Variants in FNDC1 observed in about 807,000 individuals in gnomAD.
FNDC1 encodes fibronectin type III domain containing 1, also known as fibronectin type III domain-containing protein 1.
FNDC1 carries 96 observed loss-of-function variants against 168.0 expected under a neutral mutation model. That is an observed-to-expected ratio of 0.57 (90% CI 0.48 to 0.68). The LOEUF (loss-of-function observed/expected upper bound fraction) is 0.68. Among genes scored for constraint, FNDC1 ranks in the 30% least tolerant of loss-of-function variants. The probability of loss-of-function intolerance (pLI) is 0.00; values close to 1 mark genes in which losing one functional copy is unlikely to be tolerated. For missense variants in FNDC1, 2,587 were observed against 2,482.1 expected, an observed-to-expected ratio of 1.04 and a Z score of -0.90; for synonymous variants, 1,099 against 1,025.9, an observed-to-expected ratio of 1.07 and a Z score of -1.36.
In FNDC1 at chr6:159,225,736, A is replaced by G; in HGVS notation, c.1072+14A>G. 1 of 1,580,440 alleles carries G rather than the reference A, an allele frequency of 6.3e-7. No homozygotes were observed. Among genetic ancestry groups the G allele is most frequent in the East Asian group, 2.3e-5 (1 of 44,274 alleles). On this transcript the variant is annotated intron_variant, in intron 8 of 22. Transcript: ENST00000297267. Reference sequence around the variant, plus strand: ...CACCAGAATCTGGTCTGTATTTGAAATGGCCTTTGAATTTTCAATTTGGGA... The same window carrying G: ...CACCAGAATCTGGTCTGTATTTGAAGTGGCCTTTGAATTTTCAATTTGGGA...
chr6:159,176,333 G>A (rs1781761208), intron 1 of FNDC1, among the ~76,000 whole-genome samples: 1 of 152,234 alleles, frequency 6.6e-6, no homozygotes, highest in Non-Finnish European at 1.5e-5. Context: ...CACAAAGTCA[G>A]ATGAACATAG....
chr6:159,169,448 GGCAGGGGCGCGGCGGGCACCGC>G lies in FNDC1; in HGVS notation c.-144_-123del. 1 of 174,154 alleles carries G rather than the reference GGCAGGGGCGCGGCGGGCACCGC, an allele frequency of 5.7e-6. No homozygotes were observed. Among genetic ancestry groups the G allele is most frequent in the Non-Finnish European group, 1.2e-5 (1 of 85,006 alleles). The allele number at this position is 174,154 out of a possible 1,614,324, so 10.8% of individuals were successfully genotyped here. A position where few individuals can be genotyped will look rare whatever the true frequency, so the allele number is the denominator to read the frequency against. The stretch of plus-strand genomic sequence containing the variant: ...GTGCGGCCGGGAGCGATCGCCGCGG[GGCAGGGGCGCGGCGGGCACCGC>G]GCAGAGCGCGCAGAACAGACGGACG... On this transcript the variant is annotated 5_prime_UTR_variant, in exon 1 of 23. Coordinates refer to ENST00000297267, the MANE Select transcript of FNDC1 (RefSeq NM_032532.3). The surrounding 1 kb of genome is among the most constrained non-coding windows in gnomAD (Gnocchi z 6.8).
chr6:159,265,925 C>A (rs943897998), intron 20 of FNDC1, among the ~76,000 whole-genome samples, 159 bp from the exon 21 acceptor site: 1 of 137,412 alleles, frequency 7.3e-6, no homozygotes, highest in Non-Finnish European at 1.6e-5. Context: ...GAGACTCCAT[C>A]AAAAACAAAC....
chr6:159,269,494 C>G (rs1246400872), intron 22 of FNDC1, among the ~76,000 whole-genome samples: 31 of 130,164 alleles, frequency 2.4e-4, no homozygotes, highest in African/African-American at 9.4e-4. Flanking sequence ...ATCTATCTAT[C>G]TATCTATCCA....
intron 9 of FNDC1, among the ~76,000 whole-genome samples, chr6:159,229,313 A>G (rs1370770270): frequency 6.6e-6 from 1 of 152,238 alleles, no homozygotes; most frequent in African/African-American, 2.4e-5. Flanking sequence ...TTCCTACAAA[A>G]ATGAAATTAT....
intron 1 of FNDC1, among the ~76,000 whole-genome samples, chr6:159,190,641 A>T (rs1358442522): frequency 6.6e-6 from 1 of 152,226 alleles, no homozygotes; most frequent in African/African-American, 2.4e-5. Context: ...TAGAGCCCAC[A>T]TTCTCCAGTT....
intron 18 of FNDC1, among the ~76,000 whole-genome samples, chr6:159,257,196 A>C (rs923677223): frequency 6.6e-6 from 1 of 152,204 alleles, no homozygotes; most frequent in Non-Finnish European, 1.5e-5. Flanking sequence ...GCACAAAGAC[A>C]GTGACTGTTC....
At chr6:159,247,191 A>G (rs1777156153) in intron 15 of FNDC1, among the ~76,000 whole-genome samples, 1 of 152,156 alleles carries the variant, frequency 6.6e-6, no homozygotes, top group Non-Finnish European at 1.5e-5. Flanking sequence ...TAACACGTAG[A>G]TGCAGCTTCC....
intron 3 of FNDC1, 62 bp downstream of exon 3, chr6:159,200,144 C>T: frequency 1.7e-6 from 2 of 1,190,046 alleles, no homozygotes; most frequent in Non-Finnish European, 1.2e-6. Context: ...AGACATCCCT[C>T]CTTGCTTCTT....
At chr6:159,269,610 T>G (rs1361990492) in intron 22 of FNDC1, among the ~76,000 whole-genome samples, 1 of 137,448 alleles carries the variant, frequency 7.3e-6, no homozygotes. Context: ...TATCTATCTA[T>G]CTATCTATCT....
Position 159,200,595 on chromosome 6 carries a change from C to T in FNDC1, c.460+14C>T. On this transcript the variant is annotated intron_variant, in intron 4 of 22. Transcript: ENST00000297267. ...AAACCGTCACAGGTACTACTTCCTC[C>T]TTCATGTCAGATTCATGTTTTCACT... 6.4e-7 allele frequency: 1 copy of T among 1,571,134 alleles called. No individual in the cohort carries two copies. Among genetic ancestry groups the T allele is most frequent in the East Asian group, 2.3e-5 (1 of 43,740 alleles).
chr6:159,220,554 A>T (rs544194174), intron 5 of FNDC1, among the ~76,000 whole-genome samples: 1 of 152,352 alleles, frequency 6.6e-6, no homozygotes, highest in Admixed American at 6.5e-5. Context: ...GACCCTGGGC[A>T]AGTCACTCAA....
chr6:159,180,479 TTTTAAG>T (rs1353514470), intron 1 of FNDC1, among the ~76,000 whole-genome samples: 3 of 152,190 alleles, frequency 2.0e-5, no homozygotes, highest in African/African-American at 4.8e-5. Context: ...TTTAATTTAA[TTTTAAG>T]TTTAAGTTCC....
At chr6:159,206,741 T>G (rs1026289504) in intron 4 of FNDC1, among the ~76,000 whole-genome samples, 1 of 151,952 alleles carries the variant, frequency 6.6e-6, no homozygotes, top group Non-Finnish European at 1.5e-5. Context: ...TGTGAGGGCC[T>G]GGGCCAAAAA....
At chr6:159,181,045 A>G (rs1781867103) in intron 1 of FNDC1, among the ~76,000 whole-genome samples, 1 of 152,190 alleles carries the variant, frequency 6.6e-6, no homozygotes, top group African/African-American at 2.4e-5. Flanking sequence ...TAAATCTTTG[A>G]GAAATCACCA....
intron 5 of FNDC1, among the ~76,000 whole-genome samples, chr6:159,220,276 A>C (rs886309246): frequency 6.6e-6 from 1 of 152,196 alleles, no homozygotes; most frequent in African/African-American, 2.4e-5. Context: ...TTGTAAAGAC[A>C]AAAGAGGGAT....
chr6:159,174,434 C>T (rs1457453685), intron 1 of FNDC1, among the ~76,000 whole-genome samples: 1 of 152,286 alleles, frequency 6.6e-6, no homozygotes, highest in East Asian at 1.9e-4. Flanking sequence ...CGCTTGCGCT[C>T]TGAGGCCCTT....
intron 15 of FNDC1, among the ~76,000 whole-genome samples, chr6:159,247,652 G>A (rs1777165526): frequency 6.6e-6 from 1 of 152,180 alleles, no homozygotes; most frequent in Admixed American, 6.5e-5. Flanking sequence ...GAGAGGCTGA[G>A]ACAGGTGGAT....
At chr6:159,212,453 G>A (rs537571707) in intron 4 of FNDC1, among the ~76,000 whole-genome samples, 56 of 152,118 alleles carry the variant, frequency 3.7e-4, no homozygotes, top group Non-Finnish European at 6.6e-4. Flanking sequence ...TTTAAAAGAG[G>A]ATTACCAGAT....
Sources: allele counts gnomAD v4.1 joint callset (sites outside exome capture counted in the v4.1 genomes callset), GRCh38; gene constraint gnomAD v4.1.1; non-coding constraint Gnocchi (gnomAD v3.1); transcripts MANE v1.5; gene names NCBI Gene and HGNC (gene_info 2026-07-23, HGNC 2026-07-21).